The following TBCK variants were observed in gnomAD, a reference collection of about 807,000 sequenced individuals.
The protein encoded by TBCK is TBC domain-containing protein kinase-like protein.
In TBCK, 99 loss-of-function variants were observed where a neutral mutation model predicts 113.4. The observed-to-expected ratio is 0.87, with a 90% confidence interval of 0.74 to 1.03. The LOEUF (loss-of-function observed/expected upper bound fraction) is 1.03. Ranked by LOEUF, TBCK falls within the 50% of genes least tolerant of loss-of-function variation. TBCK has a pLI of 0.00. For synonymous variants in TBCK, 369 were observed against 370.8 expected, an observed-to-expected ratio of 1.00 and a Z score of 0.05; for missense variants, 1,045 against 1,061.3, an observed-to-expected ratio of 0.98 and a Z score of 0.21.
chr4:106,120,383 T>TG (rs1437680242), intron 23 of TBCK, among the ~76,000 whole-genome samples: 3 of 151,942 alleles, frequency 2.0e-5, no homozygotes, highest in Non-Finnish European at 2.9e-5. Context: ...GCAGCGAGGC[T>TG]GGGGGAGGGG....
rs144844623 is a variant in TBCK at position 106,187,407 on chromosome 4, AT to A, written c.2059+6201del. Among the ~76,000 whole-genome samples the A allele has an allele frequency of 3.4e-3, 496 of 147,066 alleles. 1 individual carries two copies. Among genetic ancestry groups the A allele is most frequent in the African/African-American group, 0.011 (425 of 40,046 alleles). The stretch of plus-strand genomic sequence containing the variant: ...TTTCCATTTGTTTGTGTCATCTATG[AT>A]TTTTTTTTTTCCTTTTTTTCTTTTT... On this transcript the variant is annotated intron_variant, in intron 22 of 25. Transcript: ENST00000394708.
Position 106,123,495 on chromosome 4 carries a change from C to T in TBCK, c.2236-7117G>A, listed in dbSNP as rs536982059. ...GCCATCCCCATAAAGCTACCAATGACTTTCTTCACAGAATTGGAAAAAACT... is the reference window on the plus strand; with the variant it reads ...GCCATCCCCATAAAGCTACCAATGATTTTCTTCACAGAATTGGAAAAAACT... On this transcript the variant is annotated intron_variant, in intron 23 of 25. Coordinates refer to ENST00000394708, the MANE Select transcript of TBCK (RefSeq NM_001163435.3). 2.6e-5 allele frequency among the ~76,000 whole-genome samples: 4 copies of T among 152,270 alleles called. No individual in the cohort carries two copies. The South Asian group carries it at 8.3e-4, about 32-fold the overall frequency.
In TBCK at chr4:106,304,147, C is replaced by T. The variant is rs1767250641; in HGVS notation, c.193+4621G>A. 2.0e-5 allele frequency among the ~76,000 whole-genome samples: 3 copies of T among 152,154 alleles called. No homozygotes were observed. The South Asian group carries it at 6.2e-4, about 31-fold the overall frequency. On this transcript the variant is annotated intron_variant, in intron 2 of 25. Coordinates refer to ENST00000394708, the MANE Select transcript of TBCK (RefSeq NM_001163435.3). ...TCTGTTTCAAGCTTCTCACAAAAGG[C>T]TATGCTTCCCAGCCTGTCACAGTGG...
At chr4:106,055,327 C>A (rs1229365166) in intron 25 of TBCK, among the ~76,000 whole-genome samples, 1 of 151,436 alleles carries the variant, frequency 6.6e-6, no homozygotes, top group Non-Finnish European at 1.5e-5. Flanking sequence ...AAATGGATAT[C>A]TTCATGAACA....
intron 5 of TBCK, among the ~76,000 whole-genome samples, chr4:106,256,605 G>A (rs891407600): frequency 5.3e-5 from 8 of 152,110 alleles, no homozygotes; most frequent in Admixed American, 3.3e-4. Flanking sequence ...GCCTGCTTCC[G>A]GCCCCCAAGA....
chr4:106,152,413 G>A (rs979702958), intron 23 of TBCK, among the ~76,000 whole-genome samples: 11 of 151,778 alleles, frequency 7.2e-5, no homozygotes, highest in Non-Finnish European at 1.3e-4. Flanking sequence ...TTGAACCATC[G>A]TTACATTCCA....
At chr4:106,083,548 T>C (rs2149495042) in intron 25 of TBCK, among the ~76,000 whole-genome samples, 1 of 151,934 alleles carries the variant, frequency 6.6e-6, no homozygotes, top group East Asian at 1.9e-4. Flanking sequence ...GACGAGTGGG[T>C]TTCCCCCCAG....
chr4:106,129,549 A>G (rs1383964357), intron 23 of TBCK, among the ~76,000 whole-genome samples: 2 of 152,224 alleles, frequency 1.3e-5, no homozygotes, highest in Non-Finnish European at 2.9e-5. Context: ...CTTAAAGAAG[A>G]GTAATGTATG....
intron 23 of TBCK, among the ~76,000 whole-genome samples, chr4:106,165,964 T>C (rs1750321909): frequency 6.6e-6 from 1 of 151,782 alleles, no homozygotes; most frequent in Non-Finnish European, 1.5e-5. Flanking sequence ...TGATTTTTCT[T>C]CTAATATCCA....
intron 24 of TBCK, among the ~76,000 whole-genome samples, chr4:106,111,966 A>T (rs1297337977): frequency 6.6e-6 from 1 of 152,212 alleles, no homozygotes; most frequent in African/African-American, 2.4e-5. Flanking sequence ...TAACTCCTGC[A>T]GCACAAAGGG....
intron 2 of TBCK, among the ~76,000 whole-genome samples, chr4:106,295,402 C>T (rs1046818571): frequency 2.0e-5 from 3 of 151,772 alleles, no homozygotes; most frequent in African/African-American, 4.8e-5. Flanking sequence ...TTCTTACATA[C>T]GTCAGGAAAA....
rs558216253 is a variant in TBCK, at chr4:106,215,250, G to A, written c.1775-2415C>T. ...TGGAAAGGAACAACCGGTACCAGCC[G>A]CTGCAAAATCATGCCAAAATGTAAT... On this transcript the variant is annotated intron_variant, in intron 19 of 25. Coordinates refer to ENST00000394708, the MANE Select transcript of TBCK (RefSeq NM_001163435.3). Among the ~76,000 whole-genome samples, 125 of 152,002 alleles carry A rather than the reference G, an allele frequency of 8.2e-4. 3 individuals carry two copies. The highest frequency in any genetic ancestry group is 7.7e-3 in the South Asian group (37 of 4,800).
intron 23 of TBCK, among the ~76,000 whole-genome samples, chr4:106,133,580 T>A (rs909783048): frequency 1.3e-5 from 2 of 152,206 alleles, no homozygotes; most frequent in South Asian, 4.2e-4. Flanking sequence ...TAAAAAATGT[T>A]TTAGGTTCAC....
At chr4:106,150,928 G>A (rs1427390442) in intron 23 of TBCK, among the ~76,000 whole-genome samples, 1 of 151,978 alleles carries the variant, frequency 6.6e-6, no homozygotes, top group Non-Finnish European at 1.5e-5. Context: ...TTTGAATTAA[G>A]CTCTGAGGGT....
intron 24 of TBCK, among the ~76,000 whole-genome samples, chr4:106,097,195 G>A (rs1741025785): frequency 6.6e-6 from 1 of 152,132 alleles, no homozygotes; most frequent in Non-Finnish European, 1.5e-5. Context: ...CACAAAATAT[G>A]ACGGCAACAG....
Position 106,046,143 on chromosome 4 carries a change from TCA to T in TBCK, c.*425_*426del, listed in dbSNP as rs1413634644. ...TAAGGAATGCATTGTGAATAGTTTC[TCA>T]GTTTTCATTATGGAAAGATGATGAT... On this transcript the variant is annotated 3_prime_UTR_variant, in exon 26 of 26. Coordinates refer to ENST00000394708, the MANE Select transcript of TBCK (RefSeq NM_001163435.3). 6.5e-6 allele frequency: 1 copy of T among 154,852 alleles called. No individual in the cohort carries two copies. The highest frequency in any genetic ancestry group is 2.4e-5 in the African/African-American group (1 of 41,470). The allele number at this position is 154,852 out of a possible 1,614,324, so 9.6% of individuals were successfully genotyped here.
Position 106,045,070 on chromosome 4 carries a change from T to C in TBCK, c.*1500A>G, listed in dbSNP as rs1456260403. On this transcript the variant is annotated 3_prime_UTR_variant, in exon 26 of 26. Coordinates refer to ENST00000394708, the MANE Select transcript of TBCK (RefSeq NM_001163435.3). ...GAATGTATCTTTCTTTTTTTTTTTTTTTTTGAGATGGCAGGGTGAGCCCTG... is the reference window on the plus strand; with the variant it reads ...GAATGTATCTTTCTTTTTTTTTTTTCTTTTGAGATGGCAGGGTGAGCCCTG... The C allele has an allele frequency of 1.3e-5, 2 of 151,448 alleles. No individual in the cohort carries two copies. The highest frequency in any genetic ancestry group is 2.9e-5 in the Non-Finnish European group (2 of 67,814). 9.4% of individuals were successfully genotyped at this position (151,448 alleles called of 1,614,324 possible). A position where few individuals can be genotyped will look rare whatever the true frequency, so the allele number is the denominator to read the frequency against.
intron 3 of TBCK, among the ~76,000 whole-genome samples, chr4:106,268,944 G>A (rs1241382532): frequency 1.3e-5 from 2 of 152,038 alleles, no homozygotes; most frequent in African/African-American, 4.8e-5. Context: ...CATGATCCAT[G>A]ATATTTCTAA....
At chr4:106,146,938 ATTG>A (rs1433072518) in intron 23 of TBCK, among the ~76,000 whole-genome samples, 5 of 152,230 alleles carry the variant, frequency 3.3e-5, no homozygotes, top group Non-Finnish European at 7.3e-5. Context: ...TTCTAAATGC[ATTG>A]TTATCATTCC....
Sources: gnomAD v4.1 joint callset for allele counts (sites outside exome capture counted in the v4.1 genomes callset) on GRCh38, gnomAD v4.1.1 for gene constraint, MANE v1.5 for transcripts, NCBI Gene and HGNC (gene_info 2026-07-23, HGNC 2026-07-21) for gene names.